COG5: variants seen among roughly 807,000 people sequenced by gnomAD.
COG5 encodes the protein conserved oligomeric Golgi complex subunit 5.
In COG5, 86 loss-of-function variants were observed where a neutral mutation model predicts 110.4. That is an observed-to-expected ratio of 0.78 (90% CI 0.65 to 0.93). The LOEUF (loss-of-function observed/expected upper bound fraction) is 0.93. Ranked by LOEUF, COG5 falls within the 40% of genes least tolerant of loss-of-function variation. The probability of loss-of-function intolerance (pLI) is 0.00; values close to 1 mark genes in which losing one functional copy is unlikely to be tolerated. For synonymous variants in COG5, 360 were observed against 334.6 expected (o/e 1.08, Z -0.83); for missense variants, 1,077 against 987.0 (o/e 1.09, Z -1.22).
intron 8 of COG5, 100 bp from the exon 9 acceptor site, chr7:107,362,520 G>C (rs917602288): frequency 1.1e-5 from 8 of 747,506 alleles, no homozygotes; most frequent in Non-Finnish European, 1.8e-5. Flanking sequence ...TAAAAAATGA[G>C]AAGTTCCTTC....
intron 14 of COG5, chr7:107,258,766 G>T: frequency 5.9e-6 from 1 of 170,442 alleles, no homozygotes; most frequent in African/African-American, 2.4e-5. Context: ...ACTGCCAGTT[G>T]GGCTCTTTCT....
intron 10 of COG5, among the ~76,000 whole-genome samples, chr7:107,353,326 G>A (rs1812329291): frequency 6.6e-6 from 1 of 150,498 alleles, no homozygotes; most frequent in South Asian, 2.1e-4. Flanking sequence ...TTGGGAGGCT[G>A]AGGCAGGAGA....
Position 107,331,569 on chromosome 7 carries a change from C to A in COG5, c.1027-7048G>T, listed in dbSNP as rs77775171. On this transcript the variant is annotated intron_variant, in intron 10 of 21. Transcript: ENST00000297135. Reference sequence around the variant, plus strand: ...GGCAAAAAGATCAGTTAGGAATTTACTGAAAAAATCTAGGCAAAAGGTACC... The same window carrying A: ...GGCAAAAAGATCAGTTAGGAATTTAATGAAAAAATCTAGGCAAAAGGTACC... Among the ~76,000 whole-genome samples, 825 of 152,142 alleles carry A rather than the reference C, an allele frequency of 5.4e-3. 8 individuals carry two copies. Among genetic ancestry groups the A allele is most frequent in the African/African-American group, 0.019 (803 of 41,508 alleles).
chr7:107,277,987 A>C (rs985572138), intron 14 of COG5, among the ~76,000 whole-genome samples: 1 of 152,198 alleles, frequency 6.6e-6, no homozygotes, highest in African/African-American at 2.4e-5. Flanking sequence ...AGCTTGAAAA[A>C]ACCTTTTATA....
In COG5 at chr7:107,528,108, T is replaced by G. The variant is rs115254727; in HGVS notation, c.418-751A>C. Among the ~76,000 whole-genome samples the G allele has an allele frequency of 7.3e-3, 1,117 of 151,990 alleles. 18 individuals carry two copies. The highest frequency in any genetic ancestry group is 0.026 in the African/African-American group (1,072 of 41,460). On this transcript the variant is annotated intron_variant, in intron 5 of 21. Transcript: ENST00000297135. ...ATTTTCCTAATCTTTTTTTTTTTTTTGAGAACAGGGTCTCGCTCAGTTGCC... is the reference window on the plus strand; with the variant it reads ...ATTTTCCTAATCTTTTTTTTTTTTTGGAGAACAGGGTCTCGCTCAGTTGCC...
At chr7:107,210,691 G>A (rs780368456) in intron 20 of COG5, 86 bp from the exon 21 acceptor site, 6 of 1,411,880 alleles carry the variant, frequency 4.2e-6, no homozygotes, top group Admixed American at 3.9e-5. Context: ...GCACTCTCAA[G>A]TATTCCCAAG....
At chr7:107,392,724 A>G (rs1790712060) in intron 7 of COG5, among the ~76,000 whole-genome samples, 1 of 151,622 alleles carries the variant, frequency 6.6e-6, no homozygotes, top group Non-Finnish European at 1.5e-5. Context: ...GTTTTTCAGT[A>G]GCATTAACAC....
At chr7:107,264,324 C>G (rs1803614611) in intron 14 of COG5, among the ~76,000 whole-genome samples, 1 of 152,078 alleles carries the variant, frequency 6.6e-6, no homozygotes, top group South Asian at 2.1e-4. Flanking sequence ...TCACGAGATA[C>G]TAAGGAGCAA....
chr7:107,230,436 C>T (rs1218848336), intron 19 of COG5, among the ~76,000 whole-genome samples, 179 bp downstream of exon 19: 4 of 152,094 alleles, frequency 2.6e-5, no homozygotes, highest in Non-Finnish European at 5.9e-5. Flanking sequence ...ATTTATTAGT[C>T]ATTACATAAA....
chr7:107,508,100 G>A lies in COG5; in HGVS notation c.538+19137C>T, dbSNP rs535817956. On this transcript the variant is annotated intron_variant, in intron 6 of 21. Coordinates refer to ENST00000297135, the MANE Select transcript of COG5 (RefSeq NM_006348.5). The stretch of plus-strand genomic sequence containing the variant: ...CGAGGCATTGCCTCACTCGGGAAGA[G>A]CAAGGGGTCAGGGAGTTCCCTTTCC... Among the ~76,000 whole-genome samples, 1,521 of 152,356 alleles carry A rather than the reference G, an allele frequency of 1.0e-2. 26 individuals carry two copies. The highest frequency in any genetic ancestry group is 0.074 in the East Asian group (383 of 5,176).
rs573306809 is a variant in COG5, at chr7:107,510,857, A to G, written c.538+16380T>C. Among the ~76,000 whole-genome samples, 9 of 152,340 alleles carry G rather than the reference A, an allele frequency of 5.9e-5. No homozygotes were observed. In the South Asian group the frequency reaches 1.9e-3, roughly 32 times the overall value. On this transcript the variant is annotated intron_variant, in intron 6 of 21. Transcript: ENST00000297135. ...TTCTCTGAAACCAACGGAAACAAAG[A>G]CACAACATACCAGTATCTCTGGCAC...
intron 6 of COG5, among the ~76,000 whole-genome samples, chr7:107,427,922 C>T (rs999825055): frequency 2.0e-5 from 3 of 152,072 alleles, no homozygotes; most frequent in African/African-American, 7.2e-5. Context: ...GTCCCCCACT[C>T]AAAGGCGGGT....
chr7:107,420,707 C>T (rs954430553), intron 6 of COG5, among the ~76,000 whole-genome samples: 8 of 152,164 alleles, frequency 5.3e-5, no homozygotes, highest in Non-Finnish European at 8.8e-5. Context: ...GTGATCCACC[C>T]GCCTCGGCAT....
intron 6 of COG5, among the ~76,000 whole-genome samples, chr7:107,473,405 T>C (rs76119280): frequency 0.042 from 6,426 of 152,030 alleles, 209 homozygotes; most frequent in Non-Finnish European, 0.065. Context: ...TCAGTGAGCA[T>C]TGTAACTGTG....
intron 6 of COG5, among the ~76,000 whole-genome samples, chr7:107,456,837 T>A (rs1228683728): frequency 6.6e-6 from 1 of 152,190 alleles, no homozygotes. Flanking sequence ...TACCATTAAA[T>A]AACAGGAGCA....
chr7:107,539,387 C>T (rs1222849421), intron 5 of COG5, among the ~76,000 whole-genome samples: 2 of 152,134 alleles, frequency 1.3e-5, no homozygotes, highest in African/African-American at 2.4e-5. Flanking sequence ...ACTTACTGTA[C>T]TGACATATGC....
chr7:107,445,141 C>T (rs1186153883), intron 6 of COG5, among the ~76,000 whole-genome samples: 1 of 151,942 alleles, frequency 6.6e-6, no homozygotes, highest in African/African-American at 2.4e-5. Flanking sequence ...CTCGAAGCTG[C>T]AGTGAGCCGT....
intron 21 of COG5, chr7:107,209,966 G>A (rs1051386716): frequency 3.0e-6 from 3 of 989,914 alleles, no homozygotes; most frequent in Non-Finnish European, 3.6e-6. Flanking sequence ...GACAGTTAAA[G>A]CACCCCACCC....
rs190292053 is a variant in COG5, at chr7:107,560,809, A to G, written c.95-2694T>C. 1.6e-3 allele frequency among the ~76,000 whole-genome samples: 244 copies of G among 152,366 alleles called. 3 individuals carry two copies. Among genetic ancestry groups the G allele is most frequent in the African/African-American group, 5.7e-3 (235 of 41,586 alleles). ...ATGTCCATACAGGTTATGGAATGGC[A>G]TATCATAAAAAAATTAAGATAGAAA... On this transcript the variant is annotated intron_variant, in intron 1 of 21. Transcript: ENST00000297135.
Sources: allele counts gnomAD v4.1 joint callset (sites outside exome capture counted in the v4.1 genomes callset), GRCh38; gene constraint gnomAD v4.1.1; transcripts MANE v1.5; gene names NCBI Gene and HGNC (gene_info 2026-07-23, HGNC 2026-07-21).